LRRC37A2: variants seen among roughly 807,000 people sequenced by gnomAD.
The protein encoded by LRRC37A2 is leucine-rich repeat-containing protein 37A2.
Under a neutral mutation model 68.8 loss-of-function variants are expected in LRRC37A2, and 9 were observed. That is an observed-to-expected ratio of 0.13 (90% CI 0.08 to 0.23). The LOEUF (loss-of-function observed/expected upper bound fraction) is 0.23, where lower values mean the gene tolerates loss of function less well. LRRC37A2 is among the 10% of genes least tolerant of loss of function. The probability of loss-of-function intolerance (pLI) is 1.00; values close to 1 mark genes in which losing one functional copy is unlikely to be tolerated. For synonymous variants in LRRC37A2, 63 were observed against 367.6 expected (o/e 0.17, Z 9.48); for missense variants, 168 against 950.4 (o/e 0.18, Z 10.82).
chr17:46,823,910 A>G, the LRRC37A2 span, among the ~76,000 whole-genome samples: 2 of 152,186 alleles, frequency 1.3e-5, no homozygotes, highest in Admixed American at 6.5e-5. Context: ...TTAAATGAGA[A>G]TGGTGCTGAC....
chr17:46,976,143 G>A, the LRRC37A2 span, among the ~76,000 whole-genome samples: 3 of 151,776 alleles, frequency 2.0e-5, no homozygotes, highest in African/African-American at 7.2e-5. Context: ...AGCCAGGATG[G>A]TCTCGATCTC....
the LRRC37A2 span, among the ~76,000 whole-genome samples, chr17:46,980,872 G>A: frequency 6.6e-6 from 1 of 151,854 alleles, no homozygotes; most frequent in Non-Finnish European, 1.5e-5. Context: ...AAGAAAAAAA[G>A]AATCAAAAAG....
chr17:46,981,331 G>A, the LRRC37A2 span, among the ~76,000 whole-genome samples: 1 of 152,164 alleles, frequency 6.6e-6, no homozygotes, highest in Non-Finnish European at 1.5e-5. Flanking sequence ...GTGAGATGCT[G>A]CCATTGTTTG....
the LRRC37A2 span, chr17:47,019,790 T>C: frequency 9.5e-6 from 11 of 1,153,210 alleles, no homozygotes; most frequent in Middle Eastern, 1.2e-3. Flanking sequence ...CAATGGCACC[T>C]TCACCATCTT....
downstream of LRRC37A2, chr17:46,557,768 G>GTC (rs1050004385): frequency 2.0e-5 from 3 of 153,268 alleles, no homozygotes; most frequent in African/African-American, 8.8e-5. Context: ...GTGTTTGGGT[G>GTC]TCTGAGGCTT....
chr17:46,814,941 A>C, the LRRC37A2 span, among the ~76,000 whole-genome samples: 1 of 152,148 alleles, frequency 6.6e-6, no homozygotes, highest in African/African-American at 2.4e-5. Flanking sequence ...TTCCCAGCTC[A>C]CTGCCCTTGT....
the LRRC37A2 span, among the ~76,000 whole-genome samples, chr17:46,382,103 A>G: frequency 1.4e-5 from 2 of 144,308 alleles, no homozygotes; most frequent in African/African-American, 2.5e-5. Context: ...ACATGGAGAA[A>G]CCCCGTCTCT....
chr17:46,790,806 C>T, the LRRC37A2 span, among the ~76,000 whole-genome samples: 1 of 152,242 alleles, frequency 6.6e-6, no homozygotes, highest in African/African-American at 2.4e-5. Context: ...TCCACCTTGG[C>T]AGAAATCAGA....
chr17:46,826,982 G>A, the LRRC37A2 span, among the ~76,000 whole-genome samples: 1 of 152,082 alleles, frequency 6.6e-6, no homozygotes, highest in Non-Finnish European at 1.5e-5. Flanking sequence ...TCACCATGTT[G>A]GCCAGGCTGG....
At chr17:46,869,347 C>T in the LRRC37A2 span, among the ~76,000 whole-genome samples, 1 of 152,176 alleles carries the variant, frequency 6.6e-6, no homozygotes, top group African/African-American at 2.4e-5. Context: ...CAACACTGGC[C>T]ATGCAGAGCT....
At chr17:46,960,956 G>A in the LRRC37A2 span, among the ~76,000 whole-genome samples, 12 of 151,928 alleles carry the variant, frequency 7.9e-5, no homozygotes, top group East Asian at 1.9e-4. Context: ...AGTGCTCTAC[G>A]TCAAAAAAGT....
At chr17:47,011,936 T>C in the LRRC37A2 span, among the ~76,000 whole-genome samples, 5,062 of 152,280 alleles carry the variant, frequency 0.033, 128 homozygotes, top group Non-Finnish European at 0.043. Flanking sequence ...GATCAAAAAA[T>C]GTCTGGTTAT....
the LRRC37A2 span, among the ~76,000 whole-genome samples, chr17:47,014,112 C>T: frequency 6.6e-6 from 1 of 150,686 alleles, no homozygotes; most frequent in Non-Finnish European, 1.5e-5. Context: ...AACAAACAGG[C>T]CAGGTGCAGT....
chr17:47,011,203 A>C, the LRRC37A2 span, among the ~76,000 whole-genome samples: 7 of 152,172 alleles, frequency 4.6e-5, no homozygotes, highest in Admixed American at 4.6e-4. Context: ...GGGGAAAGAC[A>C]CACCTTCCCT....
At chr17:46,943,115 G>A in the LRRC37A2 span, among the ~76,000 whole-genome samples, 1 of 152,202 alleles carries the variant, frequency 6.6e-6, no homozygotes, top group African/African-American at 2.4e-5. Flanking sequence ...GGAGCCGATG[G>A]CTCTAATACA....
At chr17:46,741,430 C>T in the LRRC37A2 span, among the ~76,000 whole-genome samples, 1 of 152,098 alleles carries the variant, frequency 6.6e-6, no homozygotes, top group Non-Finnish European at 1.5e-5. Flanking sequence ...TGTCTTCTGT[C>T]CTGCTTGCAG....
the LRRC37A2 span, among the ~76,000 whole-genome samples, chr17:47,006,539 G>A: frequency 6.6e-6 from 1 of 152,178 alleles, no homozygotes; most frequent in Non-Finnish European, 1.5e-5. Flanking sequence ...TTGAATCCGG[G>A]AGGCAGAGGT....
At chr17:46,860,260 G>C in the LRRC37A2 span, among the ~76,000 whole-genome samples, 11 of 152,160 alleles carry the variant, frequency 7.2e-5, no homozygotes, top group African/African-American at 2.7e-4. Flanking sequence ...AAGCGGGGCC[G>C]GCAGACTCCC....
At chr17:46,792,303 A>G in the LRRC37A2 span, among the ~76,000 whole-genome samples, 1 of 152,174 alleles carries the variant, frequency 6.6e-6, no homozygotes. Context: ...CAGGCTGTGA[A>G]TGAAATAAAG....
Sources: allele counts gnomAD v4.1 joint callset (sites outside exome capture counted in the v4.1 genomes callset), GRCh38; gene constraint gnomAD v4.1.1; transcripts MANE v1.5; gene names NCBI Gene and HGNC (gene_info 2026-07-23, HGNC 2026-07-21).